The following SHBG variants were observed in gnomAD, a reference collection of about 807,000 sequenced individuals.
The protein encoded by SHBG is sex hormone-binding globulin.
SHBG carries 37 observed loss-of-function variants against 41.9 expected under a neutral mutation model. That is an observed-to-expected ratio of 0.88 (90% confidence interval 0.68 to 1.16). The LOEUF (loss-of-function observed/expected upper bound fraction) is 1.16. SHBG is among the 50% of genes most tolerant of loss of function. SHBG has a pLI of 0.00. For synonymous variants in SHBG, 217 were observed against 205.8 expected (o/e 1.05, Z -0.47); for missense variants, 466 against 499.9 (o/e 0.93, Z 0.65).
chr17:7,627,815 A>T (rs1397874001), upstream of SHBG: 1 of 705,364 alleles, frequency 1.4e-6, no homozygotes, highest in African/African-American at 1.8e-5. The surrounding 1 kb of genome is among the most constrained non-coding windows in gnomAD (Gnocchi z 4.8). Flanking sequence ...GCCGTACGGG[A>T]GGAGAGAGTA....
At chr17:7,626,813 G>T (rs2072223752), upstream of SHBG, 1 of 1,613,444 alleles carries the variant, frequency 6.2e-7, no homozygotes, top group Admixed American at 1.7e-5. Context: ...AGAGAAAGAG[G>T]CAAAAAATAG....
In SHBG at chr17:7,630,521, C is replaced by G. The variant is rs1295237657; in HGVS notation, c.203+14C>G. On this transcript the variant is annotated intron_variant, in intron 2 of 7. Transcript: ENST00000380450. The surrounding 1 kb of genome is among the most constrained non-coding windows in gnomAD (Gnocchi z 4.6). ...CAAGATCACAAAGTATGGGGTTGGC[C>G]TAGCCCTTGACCCAGTCCCCTGGTT... The G allele has an allele frequency of 6.2e-7, 1 of 1,610,954 alleles. No individual in the cohort carries two copies. Among genetic ancestry groups the G allele is most frequent in the Admixed American group, 1.7e-5 (1 of 60,002 alleles).
rs961723040 is a variant in SHBG at position 7,631,188 on chromosome 17, A to G, written c.394-12A>G. On this transcript the variant is annotated splice_polypyrimidine_tract_variant and intron_variant, in intron 3 of 7. Coordinates refer to ENST00000380450, the MANE Select transcript of SHBG (RefSeq NM_001040.5). ...CCAGGGGCCTCTGATTTTGCTTCCC[A>G]CCTTCCTGCAGGTGGAAGTCAAGAT... The G allele has an allele frequency of 6.5e-7, 1 of 1,538,380 alleles. No individual in the cohort carries two copies. The highest frequency in any genetic ancestry group is 1.4e-5 in the African/African-American group (1 of 72,664).
upstream of SHBG, among the ~76,000 whole-genome samples, chr17:7,623,288 G>A (rs1236138081): frequency 1.3e-5 from 2 of 152,190 alleles, no homozygotes; most frequent in Admixed American, 6.5e-5. Flanking sequence ...CTACTCAGGA[G>A]GCTGAGGCAG....
At chr17:7,623,081 G>T (rs114255728), upstream of SHBG, among the ~76,000 whole-genome samples, 3 of 149,248 alleles carry the variant, frequency 2.0e-5, no homozygotes, top group Non-Finnish European at 4.5e-5. Flanking sequence ...GACAAAACAA[G>T]ATGGGGGCAA....
upstream of SHBG, chr17:7,627,940 C>G: frequency 3.7e-6 from 2 of 544,878 alleles, no homozygotes; most frequent in South Asian, 3.4e-5. This position sits in a 1 kb window ranked among gnomAD's most constrained non-coding sequence, Gnocchi z 4.8. Context: ...CGCGTCCCCC[C>G]CAAGCCCCAC....
At chr17:7,627,317 C>T (rs780460227), upstream of SHBG, 2 of 1,613,322 alleles carry the variant, frequency 1.2e-6, no homozygotes, top group East Asian at 2.2e-5. The surrounding 1 kb of genome is among the most constrained non-coding windows in gnomAD (Gnocchi z 4.8). Flanking sequence ...ACCCATCCCT[C>T]ATTTCCTCCC....
rs1300125716 is a variant in SHBG at position 7,633,320 on chromosome 17, A to T, written c.1177A>T (p.Ser393Cys). 9.9e-6 allele frequency: 16 copies of T among 1,614,206 alleles called. No homozygotes were observed. The highest frequency in any genetic ancestry group is 7.6e-6 in the Non-Finnish European group (9 of 1,180,042). The change falls in exon 8 of 8, where the codon AGC (serine) becomes TGC (cysteine). Residue 393 changes from serine to cysteine, a missense_variant. Ser to Cys is a moderately radical substitution (Grantham distance 112). Coordinates refer to ENST00000380450, the MANE Select transcript of SHBG (RefSeq NM_001040.5). ...HEIWTHSCPQ[S>C]PGNGTDASH ...GATCTGGACTCACAGCTGCCCCCAGAGCCCAGGCAATGGCACTGACGCTTC... is the reference window on the plus strand; with the variant it reads ...GATCTGGACTCACAGCTGCCCCCAGTGCCCAGGCAATGGCACTGACGCTTC...
chr17:7,631,605 A>G lies in SHBG; in HGVS notation c.572A>G (p.Asp191Gly), dbSNP rs749802445. Residue 191 changes from aspartate (D) to glycine (G), a missense_variant, in exon 5 of 8, where the codon GAT becomes GGT. Physicochemically the swap from Asp to Gly is moderately conservative, Grantham distance 94. Coordinates refer to ENST00000380450, the MANE Select transcript of SHBG (RefSeq NM_001040.5). ...ACACTCCAGCTGGTTCCTGCCCTGGATGGCTGCCTGCGCCGGGATTCCTGG... is the reference window on the plus strand; with the variant it reads ...ACACTCCAGCTGGTTCCTGCCCTGGGTGGCTGCCTGCGCCGGGATTCCTGG... Reference protein sequence around the residue: ...NLRLPLVPALDGCLRRDSWLD... With the variant: ...NLRLPLVPALGGCLRRDSWLD... 2.5e-6 allele frequency: 4 copies of G among 1,613,966 alleles called. No homozygotes were observed. The highest frequency in any genetic ancestry group is 1.1e-5 in the South Asian group (1 of 91,090).
At chr17:7,627,489 C>T, upstream of SHBG, 1 of 1,594,850 alleles carries the variant, frequency 6.3e-7, no homozygotes, top group South Asian at 1.1e-5. This position sits in a 1 kb window ranked among gnomAD's most constrained non-coding sequence, Gnocchi z 4.8. Flanking sequence ...CAAGGCGAGC[C>T]CCTCCCCCTG....
intron 1 of SHBG, among the ~76,000 whole-genome samples, chr17:7,619,530 A>AC (rs1246222481): frequency 6.7e-6 from 1 of 150,268 alleles, no homozygotes; most frequent in African/African-American, 2.5e-5. Context: ...ACATGGTGAA[A>AC]CCCCATCTCT....
At chr17:7,627,389 G>A (rs1013988186), upstream of SHBG, 20 of 1,613,948 alleles carry the variant, frequency 1.2e-5, no homozygotes, top group Non-Finnish European at 1.6e-5. This position sits in a 1 kb window ranked among gnomAD's most constrained non-coding sequence, Gnocchi z 4.8. Context: ...CACCTGATCC[G>A]AGAGTTTTTC....
intron 6 of SHBG, 123 bp downstream of exon 6, chr17:7,632,138 C>G: frequency 9.4e-7 from 1 of 1,061,166 alleles, no homozygotes; most frequent in Non-Finnish European, 1.4e-6. Context: ...AAGACTGGCT[C>G]CACAGAATTG....
upstream of SHBG, among the ~76,000 whole-genome samples, chr17:7,628,387 C>T (rs1014969874): frequency 2.6e-5 from 4 of 151,728 alleles, no homozygotes; most frequent in Non-Finnish European, 5.9e-5. Flanking sequence ...TCTCAGCCTC[C>T]GGAGTAGCTG....
At chr17:7,622,087 T>C (rs1380698078) in intron 1 of SHBG, among the ~76,000 whole-genome samples, 1 of 151,364 alleles carries the variant, frequency 6.6e-6, no homozygotes, top group Non-Finnish European at 1.5e-5. Flanking sequence ...TCAAATGATC[T>C]ACCCGCCTCG....
chr17:7,619,575 A>C (rs749864894), intron 1 of SHBG, among the ~76,000 whole-genome samples: 3 of 151,498 alleles, frequency 2.0e-5, no homozygotes, highest in Admixed American at 6.6e-5. Context: ...GCATGGTGGC[A>C]TGCACCTGTA....
chr17:7,617,435 T>G (rs1383290401), intron 1 of SHBG, among the ~76,000 whole-genome samples: 1 of 151,734 alleles, frequency 6.6e-6, no homozygotes, highest in Non-Finnish European at 1.5e-5. Flanking sequence ...AAATTCCATC[T>G]CTACTAAAAA....
At position 7,631,513 on chromosome 17, in the gene SHBG, A is replaced by T; in HGVS notation, c.556-76A>T. The T allele has an allele frequency of 1.9e-6, 3 of 1,579,194 alleles. No individual in the cohort carries two copies. The South Asian group carries it at 3.3e-5, about 17-fold the overall frequency. ...CAAATGCTCAGAGGGGAGTCAACTG[A>T]GGGCAGGGAGGTCGGGACTGCGGCT... On this transcript the variant is annotated intron_variant, in intron 4 of 7. Coordinates refer to ENST00000380450, the MANE Select transcript of SHBG (RefSeq NM_001040.5).
In SHBG at chr17:7,621,434, T is replaced by TA. The variant is rs199799420; in HGVS notation, c.-62+7332dup. On this transcript the variant is annotated intron_variant, in intron 1 of 5. Coordinates refer to the SHBG transcript ENST00000570547. The stretch of plus-strand genomic sequence containing the variant: ...CAACATGGTGAAAACCCATCTCTAC[T>TA]AAAAAAAAATACAAAAATTAGCTGG... Among the ~76,000 whole-genome samples the TA allele has an allele frequency of 5.2e-5, 7 of 135,816 alleles. 1 individual carries two copies. Among genetic ancestry groups the TA allele is most frequent in the African/African-American group, 1.4e-4 (5 of 36,274 alleles). 89.1% of individuals were successfully genotyped at this position (135,816 alleles called of 152,430 possible).
Sources: gnomAD v4.1 joint callset for allele counts (sites outside exome capture counted in the v4.1 genomes callset) on GRCh38, gnomAD v4.1.1 for gene constraint, Gnocchi (gnomAD v3.1) non-coding constraint, MANE v1.5 for transcripts, NCBI Gene and HGNC (gene_info 2026-07-23, HGNC 2026-07-21) for gene names.